DYNC2H1: variants seen among roughly 807,000 people sequenced by gnomAD.
DYNC2H1 encodes dynein cytoplasmic 2 heavy chain 1.
Under a neutral mutation model 570.0 loss-of-function variants are expected in DYNC2H1, and 410 were observed. That is an observed-to-expected ratio of 0.72 (90% CI 0.66 to 0.78). The LOEUF (loss-of-function observed/expected upper bound fraction) is 0.78. DYNC2H1 is among the 30% of genes least tolerant of loss of function. DYNC2H1 has a pLI of 0.00. For missense variants in DYNC2H1, 4,865 were observed against 5,046.4 expected (o/e 0.96, Z 1.09); for synonymous variants, 1,688 against 1,677.6 (o/e 1.01, Z -0.15).
chr11:103,178,261 T>G (rs916653920), intron 38 of DYNC2H1, among the ~76,000 whole-genome samples: 8 of 152,102 alleles, frequency 5.3e-5, no homozygotes, highest in African/African-American at 1.9e-4. Flanking sequence ...CTGGTCTAAA[T>G]TTGTTGACTT....
chr11:103,265,293 C>T (rs555142097), intron 70 of DYNC2H1, among the ~76,000 whole-genome samples: 9 of 152,200 alleles, frequency 5.9e-5, no homozygotes, highest in Middle Eastern at 3.4e-3. Context: ...ATGGGTTGAT[C>T]GGTTTAGCAA....
At chr11:103,375,095 G>A (rs1941338170) in intron 83 of DYNC2H1, among the ~76,000 whole-genome samples, 1 of 152,130 alleles carries the variant, frequency 6.6e-6, no homozygotes, top group Non-Finnish European at 1.5e-5. Context: ...ACCTGCTCTA[G>A]CCATGGCAAA....
Position 103,121,020 on chromosome 11 carries a change from T to C in DYNC2H1, c.1344T>C (p.Leu448=). The C allele has an allele frequency of 6.4e-7, 1 of 1,573,990 alleles. No homozygotes were observed. The highest frequency in any genetic ancestry group is 8.6e-7 in the Non-Finnish European group (1 of 1,160,368). ...MLERETLLAR[L]VDSIKDFRLD... The stretch of plus-strand genomic sequence containing the variant: ...AAAGAGAAACTTTACTGGCAAGACT[T>C]GTGGACTCAATTAAAGGTAAAAGTT... Residue 448 remains leucine (L), a synonymous_variant, in exon 9 of 89, where the codon CTT becomes CTC. Coordinates refer to ENST00000375735, the MANE Select transcript of DYNC2H1 (RefSeq NM_001377.3).
At chr11:103,435,615 T>A (rs941087000) in intron 84 of DYNC2H1, among the ~76,000 whole-genome samples, 1 of 152,164 alleles carries the variant, frequency 6.6e-6, no homozygotes, top group Non-Finnish European at 1.5e-5. Flanking sequence ...GGTTGTTTTT[T>A]AATCTTTACC....
chr11:103,131,183 T>C (rs1859247297), intron 13 of DYNC2H1, among the ~76,000 whole-genome samples: 1 of 152,226 alleles, frequency 6.6e-6, no homozygotes, highest in Non-Finnish European at 1.5e-5. Context: ...CCTATATACA[T>C]TGAAACCACT....
rs950887766 is a variant in DYNC2H1 at position 103,176,293 on chromosome 11, G to A, written c.5733G>A (p.Thr1911=). 19 of 1,548,310 alleles carry A rather than the reference G, an allele frequency of 1.2e-5. No individual in the cohort carries two copies. Among genetic ancestry groups the A allele is most frequent in the East Asian group, 9.8e-5 (4 of 40,896 alleles). ...ALRLNTMSKF[T]FTDCTRFDAL... is the part of the protein sequence containing the mutation. ...GGCTTAATACCATGTCAAAGTTTAC[G>A]TTTACTGATTGCACCCGGTTTGATG... Residue 1911 remains threonine (T), a synonymous_variant, in exon 37 of 89, where the codon ACG becomes ACA. Coordinates refer to ENST00000375735, the MANE Select transcript of DYNC2H1 (RefSeq NM_001377.3).
chr11:103,463,881 C>G (rs1444266903), intron 87 of DYNC2H1, among the ~76,000 whole-genome samples: 1 of 152,184 alleles, frequency 6.6e-6, no homozygotes, highest in Non-Finnish European at 1.5e-5. Flanking sequence ...CTGAATCTCA[C>G]TACCTATCCA....
In DYNC2H1 at chr11:103,287,542, G is replaced by A. The variant is rs1269976161; in HGVS notation, c.11032G>A (p.Val3678Ile). 1 of 1,608,460 alleles carries A rather than the reference G, an allele frequency of 6.2e-7. No homozygotes were observed. Among genetic ancestry groups the A allele is most frequent in the Admixed American group, 1.7e-5 (1 of 59,580 alleles). The change falls in exon 75 of 89, where the codon GTA becomes ATA. Residue 3678 changes from valine to isoleucine, a missense_variant. Transcript: ENST00000375735. ...TGCATTTTATTTTAAGATTCTTGTA[G>A]TACAGGCGCTAAGACCGGACAGATT... Reference protein sequence around the residue: ...KVSLFQQILVVQALRPDRLQS... With the variant: ...KVSLFQQILVIQALRPDRLQS...
intron 84 of DYNC2H1, among the ~76,000 whole-genome samples, chr11:103,429,787 A>G (rs959556470): frequency 2.0e-5 from 3 of 152,216 alleles, no homozygotes; most frequent in Non-Finnish European, 4.4e-5. Context: ...TCTATTGTTA[A>G]TCATTGCATA....
At chr11:103,112,531 G>A (rs2134678704) in intron 1 of DYNC2H1, among the ~76,000 whole-genome samples, 1 of 152,284 alleles carries the variant, frequency 6.6e-6, no homozygotes, top group Non-Finnish European at 1.5e-5. Flanking sequence ...AATAATACAT[G>A]TAATTGAATG....
At chr11:103,139,518 A>T (rs1238480305) in intron 17 of DYNC2H1, among the ~76,000 whole-genome samples, 1 of 151,582 alleles carries the variant, frequency 6.6e-6, no homozygotes, top group Non-Finnish European at 1.5e-5. Flanking sequence ...CATGTAGTTG[A>T]GCGGTTTTGA....
intron 84 of DYNC2H1, chr11:103,404,511 T>C (rs1942779885): frequency 6.7e-6 from 1 of 148,668 alleles, no homozygotes; most frequent in South Asian, 2.2e-4. Context: ...TCATATGGTG[T>C]GCACATCAGG....
At chr11:103,240,320 A>T (rs1864380027) in intron 63 of DYNC2H1, among the ~76,000 whole-genome samples, 1 of 152,144 alleles carries the variant, frequency 6.6e-6, no homozygotes, top group Non-Finnish European at 1.5e-5. Context: ...CATAGATAAT[A>T]TGCCAGTCTC....
chr11:103,431,693 G>T (rs1248203221), intron 84 of DYNC2H1, among the ~76,000 whole-genome samples: 3 of 152,220 alleles, frequency 2.0e-5, no homozygotes, highest in South Asian at 4.1e-4. Flanking sequence ...TGTCCTTTGG[G>T]ATTCGACAAA....
Position 103,319,070 on chromosome 11 carries a change from C to T in DYNC2H1, c.11726-1959C>T, listed in dbSNP as rs1157277217. The stretch of plus-strand genomic sequence containing the variant: ...GAATATTTATTTGACTTTTATAATA[C>T]CACTATGAGGCTATTAGTGTTAGTG... On this transcript the variant is annotated intron_variant, in intron 80 of 88. Transcript: ENST00000375735. This position sits in a 1 kb window ranked among gnomAD's most constrained non-coding sequence, Gnocchi z 4.3. Among the ~76,000 whole-genome samples, 4 of 151,848 alleles carry T rather than the reference C, an allele frequency of 2.6e-5. No individual in the cohort carries two copies. Among genetic ancestry groups the T allele is most frequent in the Non-Finnish European group, 2.9e-5 (2 of 67,930 alleles).
chr11:103,339,307 G>A (rs1041475081), intron 82 of DYNC2H1, among the ~76,000 whole-genome samples: 3 of 152,126 alleles, frequency 2.0e-5, no homozygotes, highest in Non-Finnish European at 2.9e-5. Flanking sequence ...AGCTTCCACC[G>A]GGGGTCACCC....
At chr11:103,171,499 A>AC (rs1194530658) in intron 34 of DYNC2H1, among the ~76,000 whole-genome samples, 1 of 151,302 alleles carries the variant, frequency 6.6e-6, no homozygotes, top group African/African-American at 2.4e-5. Context: ...CAGGTGATCC[A>AC]CCCCCCTCGG....
At chr11:103,349,932 A>G (rs1939960850) in intron 82 of DYNC2H1, among the ~76,000 whole-genome samples, 1 of 152,124 alleles carries the variant, frequency 6.6e-6, no homozygotes, top group Non-Finnish European at 1.5e-5. Flanking sequence ...ATACAAAGAA[A>G]AGTTTTCCCG....
chr11:103,443,353 A>T (rs1944328898), intron 85 of DYNC2H1, among the ~76,000 whole-genome samples: 1 of 152,010 alleles, frequency 6.6e-6, no homozygotes, highest in Non-Finnish European at 1.5e-5. Context: ...AAGCAAGGAA[A>T]GTAGTGATTG....
Sources: gnomAD v4.1 joint callset for allele counts (sites outside exome capture counted in the v4.1 genomes callset) on GRCh38, gnomAD v4.1.1 for gene constraint, Gnocchi (gnomAD v3.1) non-coding constraint, MANE v1.5 for transcripts, NCBI Gene and HGNC (gene_info 2026-07-23, HGNC 2026-07-21) for gene names.